MYOZ2: variants seen among roughly 807,000 people sequenced by gnomAD.
MYOZ2 encodes myozenin-2.
In MYOZ2, 19 loss-of-function variants were observed where a neutral mutation model predicts 25.4. That is an observed-to-expected ratio of 0.75 (90% CI 0.52 to 1.10). MYOZ2 has a LOEUF of 1.10. Ranked by LOEUF, MYOZ2 falls within the 50% of genes least tolerant of loss-of-function variation. The pLI is 0.00. For synonymous variants in MYOZ2, 92 were observed against 106.9 expected (o/e 0.86, Z 0.86); for missense variants, 270 against 317.9 (o/e 0.85, Z 1.15).
chr4:119,174,668 C>G (rs1028680694), intron 5 of MYOZ2, among the ~76,000 whole-genome samples: 2 of 152,096 alleles, frequency 1.3e-5, no homozygotes, highest in African/African-American at 4.8e-5. Flanking sequence ...GACCACCGGG[C>G]TCTACCAATC....
intron 2 of MYOZ2, among the ~76,000 whole-genome samples, chr4:119,149,735 GA>G (rs1741404254): frequency 6.6e-6 from 1 of 151,974 alleles, no homozygotes; most frequent in Non-Finnish European, 1.5e-5. Flanking sequence ...AGCTTTACAG[GA>G]AAAAACACAT....
At chr4:119,182,747 C>T (rs906083661) in intron 5 of MYOZ2, among the ~76,000 whole-genome samples, 7 of 152,178 alleles carry the variant, frequency 4.6e-5, no homozygotes, top group Non-Finnish European at 8.8e-5. Flanking sequence ...CTCACTCACC[C>T]TCCGCTCACC....
intron 2 of MYOZ2, among the ~76,000 whole-genome samples, chr4:119,137,104 T>C (rs1344090215): frequency 2.0e-5 from 3 of 152,186 alleles, no homozygotes; most frequent in Non-Finnish European, 4.4e-5. Context: ...TAACCCTTCA[T>C]ATTTGTTAAT....
At chr4:119,154,512 G>A (rs1017008261) in intron 3 of MYOZ2, among the ~76,000 whole-genome samples, 5 of 152,224 alleles carry the variant, frequency 3.3e-5, no homozygotes, top group African/African-American at 9.6e-5. Flanking sequence ...TAATGAGAAA[G>A]AGTTGATTTT....
chr4:119,173,857 G>A (rs991105442), intron 5 of MYOZ2, among the ~76,000 whole-genome samples: 1 of 152,222 alleles, frequency 6.6e-6, no homozygotes, highest in Non-Finnish European at 1.5e-5. Flanking sequence ...GTGGGCATGG[G>A]CTTGGCGGGC....
rs1414607689 is a variant in MYOZ2, at chr4:119,186,460, G to A, written c.*260G>A. 1.6e-5 allele frequency: 7 copies of A among 436,052 alleles called. No individual in the cohort carries two copies. Among genetic ancestry groups the A allele is most frequent in the Non-Finnish European group, 2.9e-5 (7 of 244,426 alleles). 27.0% of individuals were successfully genotyped at this position (436,052 alleles called of 1,614,324 possible). A position where few individuals can be genotyped will look rare whatever the true frequency, so the allele number is the denominator to read the frequency against. On this transcript the variant is annotated 3_prime_UTR_variant, in exon 6 of 6. Transcript: ENST00000307128. ...GTTTAAAGAATCCAGATATTTTACT[G>A]CAAAAGTTCAGATGGAAAAGTAATT...
chr4:119,168,632 T>G lies in MYOZ2; in HGVS notation c.560+4238T>G, dbSNP rs186473299. Among the ~76,000 whole-genome samples, 599 of 151,968 alleles carry G rather than the reference T, an allele frequency of 3.9e-3. 2 individuals are homozygous for G. Among genetic ancestry groups the G allele is most frequent in the African/African-American group, 0.012 (507 of 41,402 alleles). On this transcript the variant is annotated intron_variant, in intron 5 of 5. Coordinates refer to ENST00000307128, the MANE Select transcript of MYOZ2 (RefSeq NM_016599.5). ...ATAGCAAGACAACTAAAGCTAGAAG[T>G]GGAGTGTGGAGATGTGACTGAATTG...
chr4:119,161,001 T>C (rs1417925549), intron 4 of MYOZ2, among the ~76,000 whole-genome samples: 1 of 152,034 alleles, frequency 6.6e-6, no homozygotes, highest in Non-Finnish European at 1.5e-5. Context: ...ATTCCTCCTG[T>C]CTAGCTATAA....
intron 3 of MYOZ2, among the ~76,000 whole-genome samples, chr4:119,153,868 G>A (rs149470293): frequency 6.6e-6 from 1 of 152,150 alleles, no homozygotes; most frequent in African/African-American, 2.4e-5. Context: ...CTTGCTACAT[G>A]AGCCAATTTT....
At chr4:119,149,237 G>A (rs1276771906) in intron 2 of MYOZ2, among the ~76,000 whole-genome samples, 1 of 152,186 alleles carries the variant, frequency 6.6e-6, no homozygotes, top group Non-Finnish European at 1.5e-5. Flanking sequence ...AGACTGCGGA[G>A]ACAAGGAGCT....
chr4:119,176,387 A>T (rs1742072404), intron 5 of MYOZ2, among the ~76,000 whole-genome samples: 1 of 151,784 alleles, frequency 6.6e-6, no homozygotes, highest in Non-Finnish European at 1.5e-5. Flanking sequence ...CACCCAGCTA[A>T]TTTTTTTGTA....
At chr4:119,184,544 T>C (rs748056128) in intron 5 of MYOZ2, among the ~76,000 whole-genome samples, 11 of 152,224 alleles carry the variant, frequency 7.2e-5, no homozygotes, top group Non-Finnish European at 1.0e-4. Flanking sequence ...TTATTCAATA[T>C]TATAACACCC....
intron 3 of MYOZ2, among the ~76,000 whole-genome samples, chr4:119,152,508 G>T (rs1230177546): frequency 1.3e-5 from 2 of 152,002 alleles, no homozygotes; most frequent in East Asian, 3.9e-4. Context: ...CAATTCTGAA[G>T]AAAGGTACAA....
intron 2 of MYOZ2, among the ~76,000 whole-genome samples, chr4:119,147,322 G>A (rs1741323004): frequency 6.6e-6 from 1 of 151,106 alleles, no homozygotes; most frequent in Non-Finnish European, 1.5e-5. Flanking sequence ...TTTCATTTTG[G>A]TATAGTGTTT....
Position 119,186,156 on chromosome 4 carries a change from G to T in MYOZ2, c.751G>T (p.Glu251Ter). Residue 251 changes from glutamate to a stop codon, truncating the protein, a stop_gained, in exon 6 of 6, where the codon GAA becomes TAA. Transcript: ENST00000307128. LOFTEE classifies it high-confidence loss of function. ...SENIPIVITT[E>*]PTDDTTVPES... is the part of the protein sequence containing the mutation. ...GAATATTCCTATAGTGATAACAACC[G>T]AACCTACAGATGATACCACTGTACC... 1 of 1,613,646 alleles carries T rather than the reference G, an allele frequency of 6.2e-7. No individual in the cohort carries two copies. The highest frequency in any genetic ancestry group is 8.5e-7 in the Non-Finnish European group (1 of 1,179,780).
intron 3 of MYOZ2, among the ~76,000 whole-genome samples, chr4:119,156,886 G>T (rs1741588248): frequency 6.6e-6 from 1 of 152,134 alleles, no homozygotes; most frequent in African/African-American, 2.4e-5. Context: ...TTGGGGAGGG[G>T]CTGTGTGGGT....
In MYOZ2 at chr4:119,148,139, C is replaced by G. The variant is rs1383967626; in HGVS notation, c.77-2733C>G. On this transcript the variant is annotated intron_variant, in intron 2 of 5. Transcript: ENST00000307128. ...GGTATGGGATTCTGGGTTGACAATTCTTTTCTTGCAGCACCTAGAAAAATA... is the reference window on the plus strand; with the variant it reads ...GGTATGGGATTCTGGGTTGACAATTGTTTTCTTGCAGCACCTAGAAAAATA... 2.0e-5 allele frequency among the ~76,000 whole-genome samples: 3 copies of G among 152,252 alleles called. No individual in the cohort carries two copies. The East Asian group carries it at 5.8e-4, about 29-fold the overall frequency.
At chr4:119,180,456 T>A (rs1363305370) in intron 5 of MYOZ2, among the ~76,000 whole-genome samples, 1 of 152,254 alleles carries the variant, frequency 6.6e-6, no homozygotes, top group Non-Finnish European at 1.5e-5. Context: ...GTTAATTTAA[T>A]CTGCATACTG....
chr4:119,174,958 G>T lies in MYOZ2; in HGVS notation c.560+10564G>T, dbSNP rs977852989. Among the ~76,000 whole-genome samples, 7 of 152,126 alleles carry T rather than the reference G, an allele frequency of 4.6e-5. No homozygotes were observed. In the East Asian group the frequency reaches 1.4e-3, roughly 29 times the overall value. ...TGCCTTAAGAGCTGTAACACTCACC[G>T]TGAAGGTCTGCAGCTTCACTCCTGA... is the stretch of plus-strand genomic sequence containing the variant. On this transcript the variant is annotated intron_variant, in intron 5 of 5. Coordinates refer to ENST00000307128, the MANE Select transcript of MYOZ2 (RefSeq NM_016599.5).
Sources: allele counts gnomAD v4.1 joint callset (sites outside exome capture counted in the v4.1 genomes callset), GRCh38; gene constraint gnomAD v4.1.1; transcripts MANE v1.5; gene names NCBI Gene and HGNC (gene_info 2026-07-23, HGNC 2026-07-21).